BIN3: variants seen among roughly 807,000 people sequenced by gnomAD.
The protein encoded by BIN3 is bridging integrator 3.
Under a neutral mutation model 38.2 loss-of-function variants are expected in BIN3, and 41 were observed. That is an observed-to-expected ratio of 1.07 (90% CI 0.84 to 1.39). The LOEUF is 1.39. Among genes scored for constraint, BIN3 ranks in the 40% most tolerant of loss-of-function variants. The pLI is 0.00. For missense variants in BIN3, 361 were observed against 324.3 expected, an observed-to-expected ratio of 1.11 and a Z score of -0.87; for synonymous variants, 145 against 122.6, an observed-to-expected ratio of 1.18 and a Z score of -1.21.
At chr8:22,660,962 G>A (rs533472578) in intron 1 of BIN3, among the ~76,000 whole-genome samples, 6 of 152,166 alleles carry the variant, frequency 3.9e-5, no homozygotes, top group South Asian at 4.2e-4. Context: ...ATAGCTCGCC[G>A]CAACCTTGAA....
At chr8:22,640,541 T>C (rs890030942) in intron 2 of BIN3, among the ~76,000 whole-genome samples, 61 of 152,212 alleles carry the variant, frequency 4.0e-4, no homozygotes, top group African/African-American at 1.4e-3. Flanking sequence ...CATCTTTACT[T>C]ATTAAAAGTA....
At chr8:22,632,745 C>A (rs1802247265) in intron 4 of BIN3, among the ~76,000 whole-genome samples, 1 of 142,168 alleles carries the variant, frequency 7.0e-6, no homozygotes, top group Admixed American at 7.4e-5. Context: ...GCTCTTGTCA[C>A]CCAGGCTGGA....
At chr8:22,624,444 GC>G in intron 6 of BIN3, 81 bp from the exon 7 acceptor site, 1 of 1,539,492 alleles carries the variant, frequency 6.5e-7, no homozygotes, top group Non-Finnish European at 8.8e-7. Flanking sequence ...TGGAGGGGTG[GC>G]CTGGCTGGAG....
intron 4 of BIN3, among the ~76,000 whole-genome samples, chr8:22,634,082 C>T (rs1266799251): frequency 2.6e-5 from 4 of 152,228 alleles, no homozygotes; most frequent in South Asian, 2.1e-4. Flanking sequence ...ACCCTGGCTT[C>T]GTTTATGCTC....
chr8:22,663,150 T>C (rs944103165), intron 1 of BIN3, among the ~76,000 whole-genome samples: 3 of 151,428 alleles, frequency 2.0e-5, no homozygotes, highest in East Asian at 1.9e-4. Context: ...AAGAACATAA[T>C]AGAAAATATC....
intron 1 of BIN3, among the ~76,000 whole-genome samples, chr8:22,648,618 CCTTGAT>C (rs1315219987): frequency 6.6e-6 from 1 of 152,160 alleles, no homozygotes; most frequent in Non-Finnish European, 1.5e-5. Flanking sequence ...CTGATGTGAA[CCTTGAT>C]CACCAGGCTG....
chr8:22,648,412 T>C (rs1802779585), intron 1 of BIN3, among the ~76,000 whole-genome samples: 1 of 141,564 alleles, frequency 7.1e-6, no homozygotes, highest in African/African-American at 2.7e-5. Flanking sequence ...AGTTCCTAAA[T>C]CTCTCCCTGC....
intron 1 of BIN3, among the ~76,000 whole-genome samples, chr8:22,662,302 A>C (rs7005025): frequency 0.61 from 92,679 of 152,086 alleles, 28,674 homozygotes; most frequent in East Asian, 0.76. Context: ...GTGAATTCCT[A>C]CTATTCCTCA....
At chr8:22,651,630 C>T (rs990078735) in intron 1 of BIN3, among the ~76,000 whole-genome samples, 3 of 152,328 alleles carry the variant, frequency 2.0e-5, no homozygotes, top group African/African-American at 7.2e-5. Context: ...CATTGCTCCC[C>T]TGTCTTCTAA....
intron 1 of BIN3, among the ~76,000 whole-genome samples, chr8:22,664,334 CAGA>C: frequency 6.6e-6 from 1 of 152,204 alleles, no homozygotes; most frequent in Non-Finnish European, 1.5e-5. Flanking sequence ...AGCTCACATA[CAGA>C]ATCTCACAGA....
chr8:22,628,975 C>T (rs1242570954), intron 6 of BIN3, among the ~76,000 whole-genome samples: 6 of 152,206 alleles, frequency 3.9e-5, no homozygotes, highest in Non-Finnish European at 7.3e-5. Flanking sequence ...GGGCCAGGGC[C>T]GGAGCCGGAG....
At chr8:22,639,992 G>C (rs961914999) in intron 2 of BIN3, among the ~76,000 whole-genome samples, 18 of 151,082 alleles carry the variant, frequency 1.2e-4, no homozygotes, top group Non-Finnish European at 2.2e-4. Flanking sequence ...CTCCCGAGTA[G>C]CTGGGATTAC....
chr8:22,635,929 C>T (rs1802352006), intron 4 of BIN3, among the ~76,000 whole-genome samples: 1 of 152,094 alleles, frequency 6.6e-6, no homozygotes, highest in South Asian at 2.1e-4. Context: ...GGCTCCCAGG[C>T]CTGGTTCCTC....
At chr8:22,661,294 T>C (rs1249932973) in intron 1 of BIN3, among the ~76,000 whole-genome samples, 2 of 151,920 alleles carry the variant, frequency 1.3e-5, no homozygotes, top group Non-Finnish European at 2.9e-5. Flanking sequence ...ATGCAAAATA[T>C]AGTATTGCCT....
intron 6 of BIN3, among the ~76,000 whole-genome samples, chr8:22,629,150 C>T (rs1221890210): frequency 2.0e-5 from 3 of 152,246 alleles, no homozygotes; most frequent in Non-Finnish European, 4.4e-5. Flanking sequence ...GGATCAAAAA[C>T]TGCTCCTCTC....
intron 6 of BIN3, chr8:22,626,140 A>G (rs1042090692): frequency 6.6e-6 from 1 of 152,332 alleles, no homozygotes; most frequent in Non-Finnish European, 1.5e-5. Context: ...AGCACCCTGA[A>G]TGCTCACCCG....
intron 3 of BIN3, 76 bp from the exon 4 acceptor site, chr8:22,636,662 G>T: frequency 6.9e-7 from 1 of 1,449,058 alleles, no homozygotes; most frequent in Non-Finnish European, 9.4e-7. Context: ...GCTCTGGAGG[G>T]CCTGCCAAGG....
At position 22,621,208 on chromosome 8, in the gene BIN3, A is replaced by T; in HGVS notation, c.*214T>A. 1 of 617,780 alleles carries T rather than the reference A, an allele frequency of 1.6e-6. No individual in the cohort carries two copies. 38.3% of individuals were successfully genotyped at this position (617,780 alleles called of 1,614,324 possible). ...ATAAAAAAGCCCCAAGGGTTTGTCT[A>T]CACTGCTTACCTGCTGGGGCTGTGA... On this transcript the variant is annotated 3_prime_UTR_variant, in exon 9 of 9. Coordinates refer to ENST00000276416, the MANE Select transcript of BIN3 (RefSeq NM_018688.6).
intron 1 of BIN3, among the ~76,000 whole-genome samples, chr8:22,659,365 ATG>A (rs1432622535): frequency 6.6e-6 from 1 of 152,180 alleles, no homozygotes; most frequent in Non-Finnish European, 1.5e-5. Flanking sequence ...CCGAGGAGGT[ATG>A]TGTGTGTTTA....
Sources: gnomAD v4.1 joint callset for allele counts (sites outside exome capture counted in the v4.1 genomes callset) on GRCh38, gnomAD v4.1.1 for gene constraint, MANE v1.5 for transcripts, NCBI Gene and HGNC (gene_info 2026-07-23, HGNC 2026-07-21) for gene names.